Variants in MIPEP observed in about 807,000 individuals in gnomAD.
MIPEP encodes mitochondrial intermediate peptidase.
MIPEP carries 79 observed loss-of-function variants against 90.3 expected under a neutral mutation model. The ratio of observed to expected loss-of-function variants is 0.87; its 90% CI spans 0.73 to 1.05. The LOEUF is 1.05. MIPEP is among the 50% of genes least tolerant of loss of function. The probability of loss-of-function intolerance (pLI) is 0.00; values close to 1 mark genes in which losing one functional copy is unlikely to be tolerated. For synonymous variants in MIPEP, 334 were observed against 315.8 expected (o/e 1.06, Z -0.61); for missense variants, 940 against 905.6 (o/e 1.04, Z -0.49).
intron 16 of MIPEP, among the ~76,000 whole-genome samples, chr13:23,767,982 C>A (rs976330090): frequency 1.3e-5 from 2 of 152,128 alleles, no homozygotes; most frequent in Non-Finnish European, 2.9e-5. Flanking sequence ...TGCCCCGAGG[C>A]GTGTGGCTGT....
intron 18 of MIPEP, among the ~76,000 whole-genome samples, chr13:23,742,062 C>A (rs1009623250): frequency 2.0e-5 from 3 of 152,164 alleles, no homozygotes; most frequent in African/African-American, 7.2e-5. Flanking sequence ...GTCAGCAGAG[C>A]AGCTATTCGA....
intron 14 of MIPEP, among the ~76,000 whole-genome samples, chr13:23,827,649 TAAATGCAA>T: frequency 6.6e-6 from 1 of 152,250 alleles, no homozygotes; most frequent in East Asian, 1.9e-4. Flanking sequence ...CTCATAAACA[TAAATGCAA>T]AAATCAAGAA....
chr13:23,806,990 T>G (rs1394109038), intron 15 of MIPEP, among the ~76,000 whole-genome samples: 1 of 152,164 alleles, frequency 6.6e-6, no homozygotes, highest in Non-Finnish European at 1.5e-5. Flanking sequence ...CGAAGAATTC[T>G]GATGCAGCTG....
At chr13:23,829,149 T>C (rs564637757) in intron 14 of MIPEP, among the ~76,000 whole-genome samples, 1 of 152,324 alleles carries the variant, frequency 6.6e-6, no homozygotes, top group Non-Finnish European at 1.5e-5. Context: ...TCCCGCCTTA[T>C]GCCAAACCCA....
chr13:23,838,193 G>A lies in MIPEP; in HGVS notation c.1339-437C>T, dbSNP rs373489165. ...GGGTCTTGCTCTGTTGCCCAGGCTGGAGTGCAGTGTTGTGATCGCAGTTCA... is the reference window on the plus strand; with the variant it reads ...GGGTCTTGCTCTGTTGCCCAGGCTGAAGTGCAGTGTTGTGATCGCAGTTCA... On this transcript the variant is annotated intron_variant, in intron 12 of 18. Coordinates refer to ENST00000382172, the MANE Select transcript of MIPEP (RefSeq NM_005932.4). Among the ~76,000 whole-genome samples, 8 of 152,182 alleles carry A rather than the reference G, an allele frequency of 5.3e-5. No individual in the cohort carries two copies. The East Asian group carries it at 9.7e-4, about 18-fold the overall frequency.
At chr13:23,853,748 A>G (rs886514285) in intron 10 of MIPEP, among the ~76,000 whole-genome samples, 1 of 152,066 alleles carries the variant, frequency 6.6e-6, no homozygotes, top group African/African-American at 2.4e-5. Context: ...TTGTATTTTT[A>G]GTAGAGACAG....
chr13:23,847,299 A>G (rs771396023), intron 10 of MIPEP, among the ~76,000 whole-genome samples: 2 of 152,202 alleles, frequency 1.3e-5, no homozygotes, highest in Non-Finnish European at 2.9e-5. Context: ...ACAGTGAACA[A>G]AGATTGAGAA....
At chr13:23,749,652 T>C (rs1021101459) in intron 18 of MIPEP, among the ~76,000 whole-genome samples, 3 of 152,168 alleles carry the variant, frequency 2.0e-5, no homozygotes, top group African/African-American at 4.8e-5. Flanking sequence ...AGTGGCCGAA[T>C]TGCATAAGGG....
intron 14 of MIPEP, among the ~76,000 whole-genome samples, chr13:23,829,004 A>C (rs555499355): frequency 6.6e-6 from 1 of 152,244 alleles, no homozygotes; most frequent in Non-Finnish European, 1.5e-5. Context: ...CAGACAGCTT[A>C]AACAATGGAA....
At chr13:23,881,130 G>A (rs1871254540) in intron 3 of MIPEP, among the ~76,000 whole-genome samples, 1 of 152,208 alleles carries the variant, frequency 6.6e-6, no homozygotes, top group Non-Finnish European at 1.5e-5. Flanking sequence ...GCCTCAGCCA[G>A]AGCATGCTCC....
chr13:23,884,209 G>A (rs937914386), intron 2 of MIPEP, among the ~76,000 whole-genome samples: 2 of 151,080 alleles, frequency 1.3e-5, no homozygotes, highest in African/African-American at 4.9e-5. Flanking sequence ...GGTTGCCAGA[G>A]GTTAGTGGGG....
At chr13:23,809,579 G>A (rs192094044) in intron 15 of MIPEP, among the ~76,000 whole-genome samples, 17 of 152,134 alleles carry the variant, frequency 1.1e-4, no homozygotes, top group Admixed American at 9.8e-4. Context: ...TCCTGACCTC[G>A]TGATTCGCCC....
chr13:23,777,897 TCAGGA>T (rs1952735686), intron 16 of MIPEP, among the ~76,000 whole-genome samples: 2 of 152,198 alleles, frequency 1.3e-5, no homozygotes, highest in Non-Finnish European at 2.9e-5. Flanking sequence ...TTAAATTCAA[TCAGGA>T]CAGAGTGTTC....
intron 10 of MIPEP, among the ~76,000 whole-genome samples, chr13:23,855,212 C>T (rs1377358640): frequency 6.6e-6 from 1 of 152,108 alleles, no homozygotes; most frequent in East Asian, 1.9e-4. Context: ...TGTTACTCTT[C>T]CATGAAGAAT....
chr13:23,882,285 C>A (rs771313545), intron 2 of MIPEP, among the ~76,000 whole-genome samples: 3 of 152,088 alleles, frequency 2.0e-5, no homozygotes, highest in Non-Finnish European at 2.9e-5. Context: ...CTACAACTTT[C>A]TGGCTAAAAT....
intron 16 of MIPEP, among the ~76,000 whole-genome samples, chr13:23,772,308 A>ATT (rs35077795): frequency 8.6e-5 from 13 of 151,484 alleles, no homozygotes; most frequent in African/African-American, 2.4e-4. Flanking sequence ...GTTTTTAGCA[A>ATT]TTTTTTTTTA....
chr13:23,864,299 G>A (rs1329554289), intron 7 of MIPEP, 110 bp from the exon 8 acceptor site: 5 of 763,074 alleles, frequency 6.6e-6, no homozygotes, highest in Non-Finnish European at 1.0e-5. Flanking sequence ...TTCCCTTAAA[G>A]TGATGATTTT....
chr13:23,792,595 C>T (rs938503950), intron 16 of MIPEP, among the ~76,000 whole-genome samples: 10 of 152,150 alleles, frequency 6.6e-5, no homozygotes, highest in African/African-American at 9.7e-5. Flanking sequence ...TGGGCTCAAG[C>T]GATCCTCTCA....
intron 8 of MIPEP, among the ~76,000 whole-genome samples, chr13:23,863,885 G>C (rs1870415854): frequency 6.6e-6 from 1 of 152,176 alleles, no homozygotes; most frequent in Non-Finnish European, 1.5e-5. Flanking sequence ...TTTTGGTAAA[G>C]ATTTTTAAAG....
Sources: gnomAD v4.1 joint callset for allele counts (sites outside exome capture counted in the v4.1 genomes callset) on GRCh38, gnomAD v4.1.1 for gene constraint, MANE v1.5 for transcripts, NCBI Gene and HGNC (gene_info 2026-07-23, HGNC 2026-07-21) for gene names.